Variants in WWOX observed in about 807,000 individuals in gnomAD.
The protein encoded by WWOX is WW domain-containing oxidoreductase.
A neutral mutation model predicts 46.2 loss-of-function variants in WWOX; 69 were observed. The ratio of observed to expected loss-of-function variants is 1.49; its 90% CI spans 1.23 to 1.82. The LOEUF (loss-of-function observed/expected upper bound fraction) is 1.82. WWOX is among the 40% of genes most tolerant of loss of function. The pLI is 0.00. For missense variants in WWOX, 919 were observed against 542.6 expected (o/e 1.69, Z -6.89); for synonymous variants, 359 against 202.6 (o/e 1.77, Z -6.56).
At chr16:78,544,267 C>G (rs1046752586) in intron 8 of WWOX, among the ~76,000 whole-genome samples, 2 of 152,274 alleles carry the variant, frequency 1.3e-5, no homozygotes, top group Non-Finnish European at 2.9e-5. Flanking sequence ...TGTCTTTCAC[C>G]AAGCGCTAAC....
chr16:78,359,278 T>G lies in WWOX; in HGVS notation c.517-27582T>G, dbSNP rs146156347. 5.0e-3 allele frequency among the ~76,000 whole-genome samples: 755 copies of G among 152,328 alleles called. 5 individuals carry two copies. The highest frequency in any genetic ancestry group is 0.016 in the South Asian group (77 of 4,830). ...CTTGGCAATTTGTTCCAATATTCTTTTCAGTTTTAAATAAGTTTTGAACAA... is the reference window on the plus strand; with the variant it reads ...CTTGGCAATTTGTTCCAATATTCTTGTCAGTTTTAAATAAGTTTTGAACAA... On this transcript the variant is annotated intron_variant, in intron 5 of 8. Coordinates refer to ENST00000566780, the MANE Select transcript of WWOX (RefSeq NM_016373.4).
chr16:78,501,050 T>C (rs762886597), intron 8 of WWOX, among the ~76,000 whole-genome samples: 1 of 152,084 alleles, frequency 6.6e-6, no homozygotes, highest in Non-Finnish European at 1.5e-5. Flanking sequence ...CTTAGGCATT[T>C]AACAGTGAAG....
intron 8 of WWOX, among the ~76,000 whole-genome samples, chr16:78,777,813 G>A (rs546998769): frequency 2.9e-4 from 44 of 152,170 alleles, no homozygotes; most frequent in African/African-American, 1.0e-3. Context: ...TTGGGAGGCC[G>A]GGGCAGGCAG....
intron 8 of WWOX, among the ~76,000 whole-genome samples, chr16:78,990,185 C>CAAAAA (rs1410721083): frequency 8.6e-6 from 1 of 115,792 alleles, no homozygotes; most frequent in African/African-American, 4.2e-5. Flanking sequence ...CCTTGTCTCA[C>CAAAAA]CAAAAAAAAA....
At chr16:78,724,978 T>C (rs936729013) in intron 8 of WWOX, among the ~76,000 whole-genome samples, 3 of 152,076 alleles carry the variant, frequency 2.0e-5, no homozygotes, top group Non-Finnish European at 1.5e-5. Flanking sequence ...TGCACTTTAT[T>C]GGTGATATGG....
chr16:79,097,504 C>T (rs865780056), intron 8 of WWOX, among the ~76,000 whole-genome samples: 14 of 152,118 alleles, frequency 9.2e-5, no homozygotes, highest in Non-Finnish European at 1.5e-5. Flanking sequence ...GCAGTGGCAC[C>T]GCAGCGCTAT....
At chr16:79,206,139 C>A (rs550516651) in intron 8 of WWOX, 1 of 152,094 alleles carries the variant, frequency 6.6e-6, no homozygotes, top group Admixed American at 6.6e-5. Flanking sequence ...AAAAAAAAAT[C>A]TCCTTTTAAC....
At chr16:78,249,032 T>C (rs1304714725) in intron 5 of WWOX, among the ~76,000 whole-genome samples, 6 of 152,078 alleles carry the variant, frequency 3.9e-5, no homozygotes, top group African/African-American at 7.2e-5. Context: ...AATTTTTTTG[T>C]ACTTTTAGTA....
At chr16:78,551,517 C>G (rs1190278738) in intron 8 of WWOX, 1 of 152,182 alleles carries the variant, frequency 6.6e-6, no homozygotes, top group Non-Finnish European at 1.5e-5. Context: ...GTGTTCTGTT[C>G]CTGTCTCTGG....
At chr16:79,204,064 T>G (rs1189681479) in intron 8 of WWOX, 1 of 152,146 alleles carries the variant, frequency 6.6e-6, no homozygotes, top group East Asian at 1.9e-4. Flanking sequence ...ACACTATCAG[T>G]TAGATGCTTA....
At chr16:78,781,085 G>C (rs573204543) in intron 8 of WWOX, among the ~76,000 whole-genome samples, 170 of 152,232 alleles carry the variant, frequency 1.1e-3, no homozygotes, top group African/African-American at 4.0e-3. Flanking sequence ...CTAATTACCA[G>C]GTAGCTTTCT....
intron 5 of WWOX, among the ~76,000 whole-genome samples, chr16:78,221,564 G>A (rs575893268): frequency 6.6e-6 from 1 of 152,202 alleles, no homozygotes; most frequent in South Asian, 2.1e-4. Context: ...AATAAGGGAA[G>A]AAAAAGAGAA....
chr16:79,030,348 T>A (rs2047728424), intron 8 of WWOX, among the ~76,000 whole-genome samples: 1 of 152,226 alleles, frequency 6.6e-6, no homozygotes, highest in African/African-American at 2.4e-5. Flanking sequence ...TCTGACAAAT[T>A]TAGTTGCTGC....
Position 78,782,897 on chromosome 16 carries a change from A to T in WWOX, c.1056+350145A>T, listed in dbSNP as rs567290897. Among the ~76,000 whole-genome samples, 25 of 152,276 alleles carry T rather than the reference A, an allele frequency of 1.6e-4. No homozygotes were observed. The South Asian group carries it at 5.0e-3, about 30-fold the overall frequency. On this transcript the variant is annotated intron_variant, in intron 8 of 8. Coordinates refer to ENST00000566780, the MANE Select transcript of WWOX (RefSeq NM_016373.4). ...AAAAATGTCTTCTCTCTCAGAATGT[A>T]TTGTTTTATATCTATTACAAAGGCT...
chr16:78,321,251 G>A (rs1207728524), intron 5 of WWOX, among the ~76,000 whole-genome samples: 1 of 149,110 alleles, frequency 6.7e-6, no homozygotes, highest in Non-Finnish European at 1.5e-5. Flanking sequence ...TTTGTTTAAG[G>A]CAACACGTAG....
intron 8 of WWOX, among the ~76,000 whole-genome samples, chr16:78,807,575 G>T (rs1476645386): frequency 1.3e-5 from 2 of 152,238 alleles, no homozygotes; most frequent in Non-Finnish European, 2.9e-5. Flanking sequence ...TGTGGCAAAT[G>T]TGGAGTGCCA....
intron 8 of WWOX, among the ~76,000 whole-genome samples, chr16:78,653,785 G>C (rs1225469072): frequency 1.3e-5 from 2 of 152,192 alleles, no homozygotes; most frequent in African/African-American, 2.4e-5. Flanking sequence ...TGGTGCAAAA[G>C]GAATTGCAGT....
intron 8 of WWOX, among the ~76,000 whole-genome samples, chr16:78,954,505 C>A (rs2046125739): frequency 6.6e-6 from 1 of 152,154 alleles, no homozygotes; most frequent in African/African-American, 2.4e-5. Flanking sequence ...AGCCTAGTGG[C>A]TTGCTAAAAA....
chr16:79,187,869 G>C (rs1393844320), intron 8 of WWOX, among the ~76,000 whole-genome samples: 1 of 152,176 alleles, frequency 6.6e-6, no homozygotes, highest in East Asian at 1.9e-4. Flanking sequence ...TTTGAGAAGA[G>C]AAAGAAAGAA....
Sources: allele counts gnomAD v4.1 joint callset (sites outside exome capture counted in the v4.1 genomes callset), GRCh38; gene constraint gnomAD v4.1.1; transcripts MANE v1.5; gene names NCBI Gene and HGNC (gene_info 2026-07-23, HGNC 2026-07-21).